Variants in UAP1L1 observed in about 807,000 individuals in gnomAD.
The protein encoded by UAP1L1 is UDP-N-acetylglucosamine pyrophosphorylase 1 like 1, also known as UDP-N-acetylhexosamine pyrophosphorylase-like protein 1.
In UAP1L1, 45 loss-of-function variants were observed where a neutral mutation model predicts 45.3. The ratio of observed to expected loss-of-function variants is 0.99; its 90% CI spans 0.78 to 1.27. The LOEUF is 1.27. UAP1L1 is among the 50% of genes most tolerant of loss of function. UAP1L1 has a pLI of 0.00. For missense variants in UAP1L1, 667 were observed against 694.0 expected (o/e 0.96, Z 0.44); for synonymous variants, 323 against 303.9 (o/e 1.06, Z -0.65).
Position 137,078,672 on chromosome 9 carries a change from C to T in UAP1L1, c.665C>T (p.Ala222Val). The stretch of plus-strand genomic sequence containing the variant: ...GAGCGGAAAGACAAAGTTGCCATGG[C>T]CCCAGGTGTGGCCCGTTCCTGAGAC... The part of the protein sequence containing the change: ...ILERKDKVAM[A>V]PDGNGGLYCA... The change falls in exon 3 of 9, where the codon GCC becomes GTC. Residue 222 changes from alanine (A) to valine (V), a missense_variant. Ala to Val is a moderately conservative substitution (Grantham distance 64). Transcript: ENST00000409858. 6.2e-7 allele frequency: 1 copy of T among 1,611,520 alleles called. No individual in the cohort carries two copies. The highest frequency in any genetic ancestry group is 1.3e-5 in the African/African-American group (1 of 75,066).
In UAP1L1 at chr9:137,082,060, G is replaced by T. The variant is rs1391954051; in HGVS notation, c.1427G>T (p.Gly476Val). 2 of 1,613,888 alleles carry T rather than the reference G, an allele frequency of 1.2e-6. No homozygotes were observed. The highest frequency in any genetic ancestry group is 2.2e-5 in the East Asian group (1 of 44,904). Residue 476 changes from glycine to valine, a missense_variant, in exon 8 of 9, where the codon GGA (glycine) becomes GTA (valine). Gly to Val is a moderately radical substitution (Grantham distance 109). Transcript: ENST00000409858. The surrounding 1 kb of genome is among the most constrained non-coding windows in gnomAD (Gnocchi z 5.7). ...ATATCGCCCTTGGTGTCTTACTCTG[G>T]AGAGGTGAGAGCTGCCCATCCCTAT... is the stretch of plus-strand genomic sequence containing the variant. ...CEISPLVSYS[G>V]EGLEVYLQGR...
intron 5 of UAP1L1, 81 bp downstream of exon 5, chr9:137,079,530 A>C: frequency 7.1e-7 from 1 of 1,401,762 alleles, no homozygotes; most frequent in South Asian, 1.4e-5. Context: ...CAGTGAGCTG[A>C]GTGCCCTGGG....
rs1173740081 is a variant in UAP1L1 at position 137,078,067 on chromosome 9, C to G, written c.307C>G (p.Leu103Val). The change falls in exon 2 of 9, where the codon CTG (leucine) becomes GTG (valine). Residue 103 changes from leucine to valine, a missense_variant. Transcript: ENST00000409858. ...WEEEGFRQIS[L>V]NKVAVLLLAG... ...ACCCCCAGGTTTCCGTCAGATTTCT[C>G]TGAACAAGGTGGCCGTCCTGCTGCT... 6.5e-7 allele frequency: 1 copy of G among 1,549,822 alleles called. No individual in the cohort carries two copies. Among genetic ancestry groups the G allele is most frequent in the Admixed American group, 2.0e-5 (1 of 50,998 alleles).
chr9:137,077,890 C>T lies in UAP1L1; in HGVS notation c.289+69C>T, dbSNP rs1832717608. 2.7e-6 allele frequency: 4 copies of T among 1,465,858 alleles called. No individual in the cohort carries two copies. The highest frequency in any genetic ancestry group is 3.6e-6 in the Non-Finnish European group (4 of 1,111,456). 90.8% of individuals were successfully genotyped at this position (1,465,858 alleles called of 1,614,324 possible). A position where few individuals can be genotyped will look rare whatever the true frequency, so the allele number is the denominator to read the frequency against. On this transcript the variant is annotated intron_variant, in intron 1 of 8. Coordinates refer to ENST00000409858, the MANE Select transcript of UAP1L1 (RefSeq NM_207309.3). This position sits in a 1 kb window ranked among gnomAD's most constrained non-coding sequence, Gnocchi z 4.7. The stretch of plus-strand genomic sequence containing the variant: ...CCACGGAGCGGGTGGGAACCGAGGC[C>T]GCGCTCGGGGAACTGTAGTTCTCCT...
intron 5 of UAP1L1, chr9:137,079,729 C>A: frequency 1.7e-6 from 1 of 586,302 alleles, no homozygotes; most frequent in Non-Finnish European, 3.0e-6. Context: ...CCCTGGTGCC[C>A]AGGGTGCTAC....
At position 137,079,448 on chromosome 9, in the gene UAP1L1, A is replaced by G. The variant is rs1278832967; in HGVS notation, c.1036A>G (p.Arg346Gly). 8 of 1,582,060 alleles carry G rather than the reference A, an allele frequency of 5.1e-6. No individual in the cohort carries two copies. Among genetic ancestry groups the G allele is most frequent in the Non-Finnish European group, 6.9e-6 (8 of 1,158,448 alleles). ...FTRGFLKAVT[R>G]EFEPLLKPHV... ...CCGAGGCTTCCTTAAGGCGGTCACC[A>G]GGTGTGCGGCAGCAGGTGGCTGCGG... Residue 346 changes from arginine to glycine, a missense_variant and splice_region_variant, in exon 5 of 9, where the codon AGG becomes GGG. Arg to Gly is a moderately radical substitution (Grantham distance 125, BLOSUM62 -2). Transcript: ENST00000409858.
At chr9:137,078,311 A>G in intron 2 of UAP1L1, 57 bp downstream of exon 2, 1 of 1,507,914 alleles carries the variant, frequency 6.6e-7, no homozygotes, top group Non-Finnish European at 8.9e-7. Context: ...GCCCCCCCAC[A>G]TCCCCGCTCC....
In UAP1L1 at chr9:137,084,514, A is replaced by G. The variant is rs1832840426; in HGVS notation, c.*1785A>G. On this transcript the variant is annotated 3_prime_UTR_variant, in exon 9 of 9. Transcript: ENST00000409858. ...AATGTTCTGTAGGTGGAATATTTCC[A>G]ATAAACACAAGGTGCCGTAATTGAC... The G allele has an allele frequency of 6.6e-6, 1 of 152,230 alleles. No homozygotes were observed. Among genetic ancestry groups the G allele is most frequent in the Admixed American group, 6.5e-5 (1 of 15,280 alleles). The allele number at this position is 152,230 out of a possible 1,614,324, so 9.4% of individuals were successfully genotyped here.
chr9:137,082,632 TC>T lies in UAP1L1; in HGVS notation c.1432-3del. On this transcript the variant is annotated splice_region_variant and splice_polypyrimidine_tract_variant and intron_variant, in intron 8 of 8. Transcript: ENST00000409858. This position sits in a 1 kb window ranked among gnomAD's most constrained non-coding sequence, Gnocchi z 5.7. ...ACTTGGCCATTGTCCCCTGCTCGTC[TC>T]CAGGGTTTAGAAGTGTACCTGCAAG... 1 of 1,551,274 alleles carries T rather than the reference TC, an allele frequency of 6.4e-7. No homozygotes were observed. Among genetic ancestry groups the T allele is most frequent in the Non-Finnish European group, 8.7e-7 (1 of 1,146,746 alleles).
rs756735072 is a variant in UAP1L1, at chr9:137,079,102, T to A, written c.797T>A (p.Val266Asp). Residue 266 changes from valine to aspartate, a missense_variant, in exon 4 of 9, where the codon GTC becomes GAC. Transcript: ENST00000409858. ...DNILVRLADP[V>D]FIGFCVLQGA... Reference sequence around the variant, plus strand: ...ATCCTGGTGCGGCTGGCGGACCCTGTCTTCATCGGCTTCTGTGTGTTGCAG... The same window carrying A: ...ATCCTGGTGCGGCTGGCGGACCCTGACTTCATCGGCTTCTGTGTGTTGCAG... 1 of 1,611,794 alleles carries A rather than the reference T, an allele frequency of 6.2e-7. No individual in the cohort carries two copies.
Position 137,078,246 on chromosome 9 carries a change from C to G in UAP1L1, c.486C>G (p.Thr162=). ...GTGAGCGCCACGGGACCCGCTGCAC[C>G]GTCCCCTGGTGTGTCCTGCCTGCCC... The part of the protein sequence containing the change: ...LAGERHGTRC[T]VPWYVMTSEF... The change falls in exon 2 of 9, where the codon ACC becomes ACG. Residue 162 remains threonine (T), a synonymous_variant. Coordinates refer to ENST00000409858, the MANE Select transcript of UAP1L1 (RefSeq NM_207309.3). The G allele has an allele frequency of 6.5e-7, 1 of 1,543,748 alleles. No individual in the cohort carries two copies.
At position 137,082,704 on chromosome 9, in the gene UAP1L1, G is replaced by A. The variant is rs1339369197; in HGVS notation, c.1499G>A (p.Arg500Lys). 1 of 1,551,080 alleles carries A rather than the reference G, an allele frequency of 6.4e-7. No homozygotes were observed. ...CTCATCCTGGATGAAGACCAGGCCA[G>A]GGAGCCGCAGCTGCAGGAGTCCTGA... ...SPLILDEDQA[R>K]EPQLQES The change falls in exon 9 of 9, where the codon AGG becomes AAG. Residue 500 changes from arginine to lysine, a missense_variant. Arg to Lys is a conservative substitution (Grantham distance 26). Transcript: ENST00000409858. The surrounding 1 kb of genome is among the most constrained non-coding windows in gnomAD (Gnocchi z 5.7).
At chr9:137,080,907 A>C (rs368884926) in intron 7 of UAP1L1, 33 bp downstream of exon 7, 19 of 1,522,146 alleles carry the variant, frequency 1.2e-5, no homozygotes, top group East Asian at 9.3e-5. Flanking sequence ...TACAGCCAGA[A>C]GGGGAGGGCT....
chr9:137,078,330 GC>G, intron 2 of UAP1L1, 76 bp downstream of exon 2: 1 of 1,525,462 alleles, frequency 6.6e-7, no homozygotes, highest in Admixed American at 1.9e-5. Context: ...CCAGACGCGA[GC>G]CCCAACCCCG....
chr9:137,080,709 T>C lies in UAP1L1; in HGVS notation c.1199T>C (p.Val400Ala), dbSNP rs372143840. The C allele has an allele frequency of 1.7e-5, 28 of 1,611,826 alleles. No individual in the cohort carries two copies. In the African/African-American group the frequency reaches 3.3e-4, roughly 19 times the overall value. The stretch of plus-strand genomic sequence containing the variant: ...ACCAGGAACTTTGCTGCCTTGGAAG[T>C]GCTGCGGGAGGAGGAATTTTCCCCA... ...RFAKNFAALEVLREEEFSPLK... is the reference protein window; with the variant it reads ...RFAKNFAALEALREEEFSPLK... The change falls in exon 7 of 9, where the codon GTG (valine) becomes GCG (alanine). Residue 400 changes from valine to alanine, a missense_variant. By Grantham distance (64) the Val-to-Ala change is moderately conservative. Transcript: ENST00000409858.
In UAP1L1 at chr9:137,077,574, TG is replaced by T; in HGVS notation, c.44del (p.Gly15AlafsTer89). On this transcript the variant is annotated frameshift_variant, in exon 1 of 9. Transcript: ENST00000409858. LOFTEE classifies it high-confidence loss of function. The surrounding 1 kb of genome is among the most constrained non-coding windows in gnomAD (Gnocchi z 4.7). ...ACGTGCGCGCCCGGCTGCAGCGCGCTGGCCAGGAGCACCTCCTGCGCTTCTG... is the reference window on the plus strand; with the variant it reads ...ACGTGCGCGCCCGGCTGCAGCGCGCTGCCAGGAGCACCTCCTGCGCTTCTG... ...QDVRARLQRA[G>X]QEHLLRFWAE... is the part of the protein sequence containing the mutation. 7.2e-7 allele frequency: 1 copy of T among 1,392,734 alleles called. No individual in the cohort carries two copies. Among genetic ancestry groups the T allele is most frequent in the Non-Finnish European group, 9.4e-7 (1 of 1,066,692 alleles). 86.3% of individuals were successfully genotyped at this position (1,392,734 alleles called of 1,614,324 possible).
chr9:137,079,177 A>T, intron 4 of UAP1L1, 29 bp downstream of exon 4: 1 of 1,594,748 alleles, frequency 6.3e-7, no homozygotes, highest in Non-Finnish European at 8.5e-7. Flanking sequence ...GGCGCCCCGC[A>T]CCCGAGGCTG....
chr9:137,079,215 T>C (rs749184416), intron 4 of UAP1L1, 41 bp from the exon 5 acceptor site: 2 of 1,521,660 alleles, frequency 1.3e-6, no homozygotes, highest in South Asian at 1.1e-5. Flanking sequence ...GCCCCGCCCC[T>C]CCGCCCAGCC....
Position 137,077,917 on chromosome 9 carries a change from G to A in UAP1L1, c.289+96G>A. On this transcript the variant is annotated intron_variant, in intron 1 of 8. Transcript: ENST00000409858. This position sits in a 1 kb window ranked among gnomAD's most constrained non-coding sequence, Gnocchi z 4.7. ...CGCTCGGGGAACTGTAGTTCTCCTC[G>A]CTACTTTGAGACGTGTCTCGCCTCA... The A allele has an allele frequency of 2.0e-6, 3 of 1,498,252 alleles. No homozygotes were observed. Among genetic ancestry groups the A allele is most frequent in the South Asian group, 1.3e-5 (1 of 77,144 alleles). The allele number at this position is 1,498,252 out of a possible 1,614,324, so 92.8% of individuals were successfully genotyped here.
Sources: allele counts gnomAD v4.1 joint callset, GRCh38; gene constraint gnomAD v4.1.1; non-coding constraint Gnocchi (gnomAD v3.1); transcripts MANE v1.5; gene names NCBI Gene and HGNC (gene_info 2026-07-23, HGNC 2026-07-21).